LGSN: variants seen among roughly 807,000 people sequenced by gnomAD.
The protein encoded by LGSN is lengsin, lens protein with glutamine synthetase domain, also known as lengsin.
In LGSN, 21 loss-of-function variants were observed where a neutral mutation model predicts 19.5. That is an observed-to-expected ratio of 1.07 (90% CI 0.76 to 1.55). The LOEUF (loss-of-function observed/expected upper bound fraction) is 1.55, where lower values mean the gene tolerates loss of function less well. Ranked by LOEUF, LGSN falls within the 40% of genes most tolerant of loss-of-function variation. The probability of loss-of-function intolerance (pLI) is 0.00; values close to 1 mark genes in which losing one functional copy is unlikely to be tolerated. For missense variants in LGSN, 673 were observed against 608.5 expected (o/e 1.11, Z -1.12); for synonymous variants, 257 against 215.6 (o/e 1.19, Z -1.68).
the LGSN span, among the ~76,000 whole-genome samples, chr6:63,452,653 T>C: frequency 6.8e-6 from 1 of 147,858 alleles, no homozygotes. Context: ...TATGTTATCT[T>C]TCTCTCTCTC....
At chr6:63,487,237 T>C in the LGSN span, among the ~76,000 whole-genome samples, 1 of 152,186 alleles carries the variant, frequency 6.6e-6, no homozygotes. Flanking sequence ...CCCAAAGTGC[T>C]GGGATTACAG....
chr6:63,505,634 A>AAATT, the LGSN span, among the ~76,000 whole-genome samples: 10 of 127,290 alleles, frequency 7.9e-5, 1 homozygote, highest in Non-Finnish European at 1.5e-4. Flanking sequence ...AGAAAGAAAG[A>AAATT]AATTCTGGCA....
the LGSN span, among the ~76,000 whole-genome samples, chr6:63,547,660 C>T: frequency 6.6e-6 from 1 of 151,548 alleles, no homozygotes; most frequent in Non-Finnish European, 1.5e-5. Context: ...TGCCCACCAC[C>T]ACGCCTGGCT....
chr6:63,281,923 G>T (rs1767337339), intron 3 of LGSN, among the ~76,000 whole-genome samples: 1 of 152,202 alleles, frequency 6.6e-6, no homozygotes, highest in East Asian at 1.9e-4. Flanking sequence ...CTTCAAGTCA[G>T]CATGAACTGG....
chr6:63,570,559 A>C, the LGSN span, among the ~76,000 whole-genome samples: 1 of 152,250 alleles, frequency 6.6e-6, no homozygotes, highest in Non-Finnish European at 1.5e-5. Context: ...GTGGATCACA[A>C]GGCTCACAAC....
chr6:63,558,959 C>T, the LGSN span, among the ~76,000 whole-genome samples: 1 of 152,154 alleles, frequency 6.6e-6, no homozygotes, highest in Non-Finnish European at 1.5e-5. Context: ...ATAGTAAGCA[C>T]TGAATAAATG....
At chr6:63,412,456 AAG>A in the LGSN span, among the ~76,000 whole-genome samples, 2 of 137,236 alleles carry the variant, frequency 1.5e-5, no homozygotes, top group East Asian at 4.1e-4. Flanking sequence ...GAAAGAAAGA[AAG>A]AAAGAAAAAG....
At chr6:63,363,007 A>G in the LGSN span, among the ~76,000 whole-genome samples, 9 of 152,186 alleles carry the variant, frequency 5.9e-5, no homozygotes, top group Non-Finnish European at 1.2e-4. Flanking sequence ...TTCCAGAGGA[A>G]GGATCAGGCA....
chr6:63,312,605 C>T (rs1331647769), intron 1 of LGSN, among the ~76,000 whole-genome samples: 1 of 152,114 alleles, frequency 6.6e-6, no homozygotes, highest in Non-Finnish European at 1.5e-5. Context: ...GCATTATGAT[C>T]TCTTAAGTGC....
the LGSN span, among the ~76,000 whole-genome samples, chr6:63,399,418 G>T: frequency 5.3e-4 from 79 of 149,194 alleles, no homozygotes; most frequent in Middle Eastern, 3.5e-3. Flanking sequence ...TTTTGAGACG[G>T]AGTTTCGCTC....
the LGSN span, among the ~76,000 whole-genome samples, chr6:63,452,503 C>T: frequency 6.6e-6 from 1 of 152,072 alleles, no homozygotes; most frequent in African/African-American, 2.4e-5. Flanking sequence ...CTTGAGTAAA[C>T]TCTGGTAGTT....
At chr6:63,488,393 G>A in the LGSN span, among the ~76,000 whole-genome samples, 2 of 152,174 alleles carry the variant, frequency 1.3e-5, no homozygotes, top group Non-Finnish European at 2.9e-5. Flanking sequence ...GTAAGAGGCA[G>A]AGCTCAGGTT....
At chr6:63,286,512 CGTT>C (rs780194221) in intron 2 of LGSN, among the ~76,000 whole-genome samples, 17 of 152,128 alleles carry the variant, frequency 1.1e-4, no homozygotes, top group Non-Finnish European at 1.9e-4. Flanking sequence ...CTAACCAACT[CGTT>C]AGCTTGAGTC....
chr6:63,286,512 C>T (rs1767541992), intron 2 of LGSN, among the ~76,000 whole-genome samples: 3 of 152,128 alleles, frequency 2.0e-5, no homozygotes, highest in African/African-American at 7.2e-5. Flanking sequence ...CTAACCAACT[C>T]GTTAGCTTGA....
rs115690384 is a variant in LGSN at position 63,309,020 on chromosome 6, C to T, written c.30+10894G>A. Among the ~76,000 whole-genome samples the T allele has an allele frequency of 8.6e-3, 1,305 of 152,200 alleles. 7 individuals carry two copies. The highest frequency in any genetic ancestry group is 0.012 in the Non-Finnish European group (837 of 68,004). On this transcript the variant is annotated intron_variant, in intron 1 of 3. Coordinates refer to ENST00000370657, the MANE Select transcript of LGSN (RefSeq NM_016571.3). ...TGGTTTAAGAAAATAATCCAAGATACGTCATGTATGTTCAGTGCCACCTTC... is the reference window on the plus strand; with the variant it reads ...TGGTTTAAGAAAATAATCCAAGATATGTCATGTATGTTCAGTGCCACCTTC...
chr6:63,512,105 CAAAG>C, the LGSN span, among the ~76,000 whole-genome samples: 1 of 150,562 alleles, frequency 6.6e-6, no homozygotes, highest in Non-Finnish European at 1.5e-5. Flanking sequence ...CTTTTTGAGA[CAAAG>C]TCTTGCTCTG....
At position 63,281,066 on chromosome 6, in the gene LGSN, G is replaced by T. The variant is rs779904045; in HGVS notation, c.485C>A (p.Ala162Asp). The change falls in exon 4 of 4, where the codon GCT (alanine) becomes GAT (aspartate). Residue 162 changes from alanine to aspartate, a missense_variant. Physicochemically the swap from Ala to Asp is moderately radical, Grantham distance 126. Transcript: ENST00000370657. ...ELSTFRVLPW[A>D]DRTARVICDT... ...ACATATCACTCTTGCAGTTCTGTCA[G>T]CCCATGGCAAAACTCTAAAGGTTGA... 1.2e-6 allele frequency: 2 copies of T among 1,613,802 alleles called. No individual in the cohort carries two copies. The highest frequency in any genetic ancestry group is 1.1e-5 in the South Asian group (1 of 91,056).
At chr6:63,354,751 T>C in the LGSN span, among the ~76,000 whole-genome samples, 1 of 152,034 alleles carries the variant, frequency 6.6e-6, no homozygotes, top group Non-Finnish European at 1.5e-5. Context: ...CATCAACAGA[T>C]GATTAAAGAA....
At chr6:63,326,902 T>C in the LGSN span, among the ~76,000 whole-genome samples, 447 of 151,882 alleles carry the variant, frequency 2.9e-3, 3 homozygotes, top group African/African-American at 0.01. Context: ...GGGGCTCCCA[T>C]AGTGCAGCGG....
Sources: gnomAD v4.1 joint callset for allele counts (sites outside exome capture counted in the v4.1 genomes callset) on GRCh38, gnomAD v4.1.1 for gene constraint, MANE v1.5 for transcripts, NCBI Gene and HGNC (gene_info 2026-07-23, HGNC 2026-07-21) for gene names.